Variants in SGCZ observed in about 807,000 individuals in gnomAD.
The protein encoded by SGCZ is sarcoglycan zeta.
A neutral mutation model predicts 41.3 loss-of-function variants in SGCZ; 40 were observed. The observed-to-expected ratio is 0.97, with a 90% CI of 0.75 to 1.26. SGCZ has a LOEUF of 1.26. SGCZ is among the 50% of genes most tolerant of loss of function. The probability of loss-of-function intolerance (pLI) is 0.00; values close to 1 mark genes in which losing one functional copy is unlikely to be tolerated. For synonymous variants in SGCZ, 206 were observed against 137.5 expected, an observed-to-expected ratio of 1.50 and a Z score of -3.49; for missense variants, 552 against 369.8, an observed-to-expected ratio of 1.49 and a Z score of -4.04.
chr8:14,890,568 G>T (rs577021326), intron 1 of SGCZ, among the ~76,000 whole-genome samples: 3 of 152,306 alleles, frequency 2.0e-5, no homozygotes, highest in Non-Finnish European at 4.4e-5. Flanking sequence ...TTTAAGGAAA[G>T]AAACCATCCC....
rs144795502 is a variant in SGCZ at position 14,125,259 on chromosome 8, T to A, written c.548-17024A>T. Among the ~76,000 whole-genome samples the A allele has an allele frequency of 6.9e-3, 1,025 of 148,132 alleles. 14 individuals are homozygous for A. Among genetic ancestry groups the A allele is most frequent in the African/African-American group, 0.026 (993 of 37,754 alleles). On this transcript the variant is annotated intron_variant, in intron 5 of 7. Transcript: ENST00000382080. ...CACTTTGGGAGGCCAAGGTGGGTGGTTCACAAGGTCGAGGTGGGTGGTTCA... is the reference window on the plus strand; with the variant it reads ...CACTTTGGGAGGCCAAGGTGGGTGGATCACAAGGTCGAGGTGGGTGGTTCA...
intron 4 of SGCZ, among the ~76,000 whole-genome samples, chr8:14,221,741 G>C (rs138223891): frequency 0.025 from 3,729 of 152,192 alleles, 167 homozygotes; most frequent in African/African-American, 0.084. Flanking sequence ...TTCAAGATCA[G>C]CCTGGCCAAC....
intron 2 of SGCZ, among the ~76,000 whole-genome samples, chr8:14,519,523 C>T (rs185613466): frequency 7.2e-5 from 11 of 152,150 alleles, no homozygotes; most frequent in Admixed American, 6.5e-4. Context: ...TGTTAAAAAA[C>T]ACTTTATATA....
intron 2 of SGCZ, among the ~76,000 whole-genome samples, chr8:14,419,522 A>T (rs1276186357): frequency 6.6e-6 from 1 of 151,858 alleles, no homozygotes; most frequent in East Asian, 1.9e-4. Flanking sequence ...AAGCCATTTC[A>T]TCACCTTTCT....
chr8:14,685,694 G>A (rs1416721194), intron 1 of SGCZ, among the ~76,000 whole-genome samples: 1 of 151,876 alleles, frequency 6.6e-6, no homozygotes, highest in South Asian at 2.1e-4. Flanking sequence ...ACCAATATTG[G>A]TATCTATTAC....
At chr8:14,243,779 T>C (rs1798976948) in intron 3 of SGCZ, among the ~76,000 whole-genome samples, 1 of 152,184 alleles carries the variant, frequency 6.6e-6, no homozygotes, top group African/African-American at 2.4e-5. Flanking sequence ...CTGTGAAGCC[T>C]TTCTACTCCT....
At chr8:14,362,458 C>CACT (rs1803559042) in intron 2 of SGCZ, among the ~76,000 whole-genome samples, 1 of 152,180 alleles carries the variant, frequency 6.6e-6, no homozygotes, top group South Asian at 2.1e-4. Context: ...CAGACTGCTG[C>CACT]ACTAGCAGCC....
intron 1 of SGCZ, among the ~76,000 whole-genome samples, chr8:15,181,172 C>T (rs569789420): frequency 1.3e-5 from 2 of 151,998 alleles, no homozygotes; most frequent in African/African-American, 4.8e-5. Context: ...ACAATTTTTA[C>T]AGGAAAAATG....
rs562010251 is a variant in SGCZ at position 14,995,997 on chromosome 8, G to C, written c.39+241588C>G. Reference sequence around the variant, plus strand: ...CGCCTCACTGCAACCTCTATCTCCCGGGTTCAGGTGATTCTCCTGCCTCAG... The same window carrying C: ...CGCCTCACTGCAACCTCTATCTCCCCGGTTCAGGTGATTCTCCTGCCTCAG... On this transcript the variant is annotated intron_variant, in intron 1 of 7. Coordinates refer to ENST00000382080, the MANE Select transcript of SGCZ (RefSeq NM_139167.4). Among the ~76,000 whole-genome samples the C allele has an allele frequency of 9.2e-5, 14 of 151,858 alleles. No homozygotes were observed. In the South Asian group the frequency reaches 2.9e-3, roughly 32 times the overall value.
chr8:14,462,581 G>T (rs115490679), intron 2 of SGCZ, among the ~76,000 whole-genome samples: 1 of 151,838 alleles, frequency 6.6e-6, no homozygotes, highest in Non-Finnish European at 1.5e-5. Context: ...ATTGGTCTAT[G>T]TGCCTATTTT....
chr8:14,987,179 T>C (rs78291163), intron 1 of SGCZ, among the ~76,000 whole-genome samples: 2,528 of 152,022 alleles, frequency 0.017, 38 homozygotes, highest in Non-Finnish European at 0.027. Flanking sequence ...GTTATCTTTT[T>C]GCATATTTAA....
At chr8:14,670,172 C>T (rs1019954024) in intron 1 of SGCZ, among the ~76,000 whole-genome samples, 7 of 152,084 alleles carry the variant, frequency 4.6e-5, no homozygotes, top group Non-Finnish European at 1.0e-4. Flanking sequence ...AGCCTGCATT[C>T]CAGGTTTTAA....
chr8:14,361,668 A>C (rs923530248), intron 2 of SGCZ, among the ~76,000 whole-genome samples: 1 of 152,170 alleles, frequency 6.6e-6, no homozygotes, highest in Non-Finnish European at 1.5e-5. Context: ...CGACCTTCGG[A>C]AGCCTACTTC....
chr8:14,412,441 G>C (rs1006604898), intron 2 of SGCZ, among the ~76,000 whole-genome samples: 2 of 152,120 alleles, frequency 1.3e-5, no homozygotes, highest in African/African-American at 4.8e-5. Context: ...ATGGAATTAT[G>C]TGGTGAAATA....
At chr8:14,613,026 C>T (rs952451390) in intron 1 of SGCZ, among the ~76,000 whole-genome samples, 1 of 152,042 alleles carries the variant, frequency 6.6e-6, no homozygotes, top group Non-Finnish European at 1.5e-5. Flanking sequence ...GCCTCCTGGT[C>T]TGGGGAAAGA....
chr8:14,684,863 CAT>C (rs1343930254), intron 1 of SGCZ, among the ~76,000 whole-genome samples: 1 of 152,062 alleles, frequency 6.6e-6, no homozygotes, highest in South Asian at 2.1e-4. Flanking sequence ...CACTGAAACA[CAT>C]GTGTGGAGGA....
At chr8:15,162,031 C>T (rs1799525963) in intron 1 of SGCZ, among the ~76,000 whole-genome samples, 1 of 152,180 alleles carries the variant, frequency 6.6e-6, no homozygotes, top group African/African-American at 2.4e-5. Context: ...AAGAGGCAAA[C>T]TGCCTTGACT....
At chr8:14,796,036 G>C (rs1023216257) in intron 1 of SGCZ, among the ~76,000 whole-genome samples, 1 of 152,024 alleles carries the variant, frequency 6.6e-6, no homozygotes, top group African/African-American at 2.4e-5. Context: ...AGTATTCCAT[G>C]GTGTGTATGT....
intron 1 of SGCZ, among the ~76,000 whole-genome samples, chr8:14,889,987 G>C (rs547338309): frequency 2.0e-5 from 3 of 152,184 alleles, no homozygotes; most frequent in Non-Finnish European, 4.4e-5. Context: ...GGGAGGCCAA[G>C]GCAGGCAGAT....
Sources: gnomAD v4.1 joint callset for allele counts (sites outside exome capture counted in the v4.1 genomes callset) on GRCh38, gnomAD v4.1.1 for gene constraint, MANE v1.5 for transcripts, NCBI Gene and HGNC (gene_info 2026-07-23, HGNC 2026-07-21) for gene names.